SLC27A1: variants seen among roughly 807,000 people sequenced by gnomAD.
SLC27A1 encodes the protein solute carrier family 27 member 1.
SLC27A1 carries 61 observed loss-of-function variants against 62.2 expected under a neutral mutation model. That is an observed-to-expected ratio of 0.98 (90% CI 0.80 to 1.21). SLC27A1 has a LOEUF of 1.21. Among genes scored for constraint, SLC27A1 ranks in the 50% most tolerant of loss-of-function variants. The probability of loss-of-function intolerance (pLI) is 0.00; values close to 1 mark genes in which losing one functional copy is unlikely to be tolerated. For synonymous variants in SLC27A1, 435 were observed against 408.6 expected, an observed-to-expected ratio of 1.06 and a Z score of -0.78; for missense variants, 903 against 932.1, an observed-to-expected ratio of 0.97 and a Z score of 0.41.
chr19:17,478,797 C>A (rs932910005), intron 1 of SLC27A1, among the ~76,000 whole-genome samples: 1 of 151,786 alleles, frequency 6.6e-6, no homozygotes, highest in African/African-American at 2.4e-5. Flanking sequence ...GCAGAGGTTG[C>A]AGTGAGCGGA....
chr19:17,480,377 C>CTT (rs888016202), intron 1 of SLC27A1, among the ~76,000 whole-genome samples: 10 of 146,198 alleles, frequency 6.8e-5, no homozygotes, highest in African/African-American at 2.5e-4. Flanking sequence ...ATTTCTTTCT[C>CTT]TTTTTTTTTT....
intron 6 of SLC27A1, among the ~76,000 whole-genome samples, chr19:17,492,863 G>A (rs1473852052): frequency 7.3e-5 from 11 of 151,362 alleles, no homozygotes; most frequent in South Asian, 6.3e-4. Flanking sequence ...GCTTGAACCC[G>A]GGAGGTGGAA....
intron 1 of SLC27A1, among the ~76,000 whole-genome samples, chr19:17,476,681 T>C (rs2075125860): frequency 6.6e-6 from 1 of 152,050 alleles, no homozygotes. Flanking sequence ...AGAGGGACCC[T>C]GGGAGGAGGC....
Position 17,504,439 on chromosome 19 carries a change from C to G in SLC27A1, c.1784-16C>G. The G allele has an allele frequency of 6.2e-7, 1 of 1,613,992 alleles. No homozygotes were observed. ...CCACCTGCTCAGCCCTTATCTGCCC[C>G]CCATCCCCACTATAGGCACCTTCAA... On this transcript the variant is annotated splice_polypyrimidine_tract_variant and intron_variant, in intron 11 of 11. Transcript: ENST00000252595.
chr19:17,500,192 A>G (rs2075393828), intron 7 of SLC27A1, 86 bp from the exon 8 acceptor site: 1 of 1,555,890 alleles, frequency 6.4e-7, no homozygotes, highest in Non-Finnish European at 8.7e-7. Context: ...TGCTAGGTCC[A>G]AGCCCCAGGG....
At position 17,504,995 on chromosome 19, in the gene SLC27A1, G is replaced by C. The variant is rs2075462819; in HGVS notation, c.*383G>C. The C allele has an allele frequency of 5.2e-6, 2 of 385,282 alleles. No individual in the cohort carries two copies. Among genetic ancestry groups the C allele is most frequent in the Admixed American group, 3.1e-5 (1 of 31,944 alleles). The allele number at this position is 385,282 out of a possible 1,614,324, so 23.9% of individuals were successfully genotyped here. On this transcript the variant is annotated 3_prime_UTR_variant, in exon 12 of 12. Coordinates refer to ENST00000252595, the MANE Select transcript of SLC27A1 (RefSeq NM_198580.3). The stretch of plus-strand genomic sequence containing the variant: ...GCAACCTCTGCCTCCTGGGGTTCAA[G>C]TGATCCTCCCACCTCAGCCTCCTGA...
Position 17,504,575 on chromosome 19 carries a change from T to C in SLC27A1, c.1904T>C (p.Val635Ala), listed in dbSNP as rs552482075. 21 of 1,614,172 alleles carry C rather than the reference T, an allele frequency of 1.3e-5. No individual in the cohort carries two copies. The South Asian group carries it at 1.9e-4, about 14-fold the overall frequency. ...QGHYLPLNEAVYTRICSGAFA... is the reference protein window; with the variant it reads ...QGHYLPLNEAAYTRICSGAFA... ...CACTACCTGCCCTTAAATGAGGCAG[T>C]CTACACTCGCATCTGCTCGGGCGCC... The change falls in exon 12 of 12, where the codon GTC becomes GCC. Residue 635 changes from valine to alanine, a missense_variant. By Grantham distance (64) the Val-to-Ala change is moderately conservative. Coordinates refer to ENST00000252595, the MANE Select transcript of SLC27A1 (RefSeq NM_198580.3).
chr19:17,475,713 G>C (rs1248685558), intron 1 of SLC27A1, among the ~76,000 whole-genome samples: 1 of 152,204 alleles, frequency 6.6e-6, no homozygotes, highest in African/African-American at 2.4e-5. Flanking sequence ...CTTGGCTTCA[G>C]AAAATATTTC....
At chr19:17,472,225 T>C (rs1221056266) in intron 1 of SLC27A1, among the ~76,000 whole-genome samples, 1 of 151,954 alleles carries the variant, frequency 6.6e-6, no homozygotes, top group Non-Finnish European at 1.5e-5. Context: ...AAACCCCGTT[T>C]CTAATAAAAA....
chr19:17,494,976 C>CTTTTTTT (rs56104169), intron 6 of SLC27A1, among the ~76,000 whole-genome samples: 1 of 145,062 alleles, frequency 6.9e-6, no homozygotes. Context: ...AAATCCTTGC[C>CTTTTTTT]TTTTTTTTTT....
chr19:17,470,489 G>C, upstream of SLC27A1: 2 of 1,461,332 alleles, frequency 1.4e-6, no homozygotes, highest in South Asian at 2.7e-5. Context: ...GGAGCGGGTC[G>C]TGGGGCGGGG....
In SLC27A1 at chr19:17,500,520, G is replaced by A. The variant is rs746796393; in HGVS notation, c.1359G>A (p.Gln453=). The change falls in exon 9 of 12, where the codon CAG becomes CAA. Residue 453 remains glutamine, a synonymous_variant. Coordinates refer to ENST00000252595, the MANE Select transcript of SLC27A1 (RefSeq NM_198580.3). ...GGGAGCCTGGCCTCCTTGTGGGTCA[G>A]ATCAACCAACAGGACCCGCTGCGCC... ...QAGEPGLLVG[Q]INQQDPLRRF... 1.2e-6 allele frequency: 2 copies of A among 1,613,616 alleles called. No homozygotes were observed. Among genetic ancestry groups the A allele is most frequent in the Non-Finnish European group, 1.7e-6 (2 of 1,179,830 alleles).
chr19:17,491,962 G>A (rs2075298689), intron 6 of SLC27A1, among the ~76,000 whole-genome samples: 1 of 152,088 alleles, frequency 6.6e-6, no homozygotes, highest in Admixed American at 6.6e-5. Flanking sequence ...TTCCCTCTTG[G>A]AATTTATTTA....
At chr19:17,491,020 G>C (rs1481422641) in intron 6 of SLC27A1, 1 of 106,078 alleles carries the variant, frequency 9.4e-6, no homozygotes, top group Non-Finnish European at 1.8e-5. Context: ...GACAGAGTGA[G>C]ACTCCATCTC....
At chr19:17,485,209 TGATGGAGTC>T (rs1568414402) in intron 1 of SLC27A1, among the ~76,000 whole-genome samples, 465 of 143,608 alleles carry the variant, frequency 3.2e-3, no homozygotes, top group Middle Eastern at 0.011. Flanking sequence ...TTTTTTTTTT[TGATGGAGTC>T]TTGCTCTTTG....
chr19:17,493,486 C>A (rs2075317461), intron 6 of SLC27A1, among the ~76,000 whole-genome samples: 1 of 146,720 alleles, frequency 6.8e-6, no homozygotes. Flanking sequence ...TTAATAAGGA[C>A]ACAAGGAGAA....
At chr19:17,477,383 A>C (rs1289641145) in intron 1 of SLC27A1, among the ~76,000 whole-genome samples, 3 of 149,626 alleles carry the variant, frequency 2.0e-5, no homozygotes, top group Non-Finnish European at 4.4e-5. Flanking sequence ...CTGGGATTAC[A>C]GGTGTGCACC....
rs905552916 is a variant in SLC27A1, at chr19:17,499,837, G to A, written c.1207-441G>A. On this transcript the variant is annotated intron_variant, in intron 7 of 11. Transcript: ENST00000252595. ...AAAAAGGAAGGAAGGAAGGAAGGGAGGAACGGAGGAAGGGGGAAAAGCAGA... is the reference window on the plus strand; with the variant it reads ...AAAAAGGAAGGAAGGAAGGAAGGGAAGAACGGAGGAAGGGGGAAAAGCAGA... The A allele has an allele frequency of 1.1e-4, 18 of 160,240 alleles. No individual in the cohort carries two copies. In the East Asian group the frequency reaches 2.2e-3, roughly 20 times the overall value. 9.9% of individuals were successfully genotyped at this position (160,240 alleles called of 1,614,324 possible). A position where few individuals can be genotyped will look rare whatever the true frequency, so the allele number is the denominator to read the frequency against.
At chr19:17,472,133 G>A (rs768680273) in intron 1 of SLC27A1, among the ~76,000 whole-genome samples, 25 of 152,166 alleles carry the variant, frequency 1.6e-4, no homozygotes, top group Admixed American at 6.5e-5. Flanking sequence ...GGTGGCTCAC[G>A]CCTGTAATCC....
Sources: allele counts gnomAD v4.1 joint callset (sites outside exome capture counted in the v4.1 genomes callset), GRCh38; gene constraint gnomAD v4.1.1; transcripts MANE v1.5; gene names NCBI Gene and HGNC (gene_info 2026-07-23, HGNC 2026-07-21).